LRCH4: variants seen among roughly 807,000 people sequenced by gnomAD.
LRCH4 encodes the protein leucine-rich repeat and calponin homology domain-containing protein 4.
LRCH4 carries 56 observed loss-of-function variants against 81.2 expected under a neutral mutation model. The observed-to-expected ratio is 0.69, with a 90% CI of 0.56 to 0.86. The LOEUF (loss-of-function observed/expected upper bound fraction) is 0.86. LRCH4 is among the 40% of genes least tolerant of loss of function. The pLI is 0.00. For synonymous variants in LRCH4, 442 were observed against 409.7 expected (o/e 1.08, Z -0.95); for missense variants, 895 against 922.8 (o/e 0.97, Z 0.39).
Position 100,577,086 on chromosome 7 carries a change from T to C in LRCH4, c.1364A>G (p.Asn455Ser). 2 of 1,614,094 alleles carry C rather than the reference T, an allele frequency of 1.2e-6. No homozygotes were observed. The highest frequency in any genetic ancestry group is 1.3e-5 in the African/African-American group (1 of 75,028). The change falls in exon 12 of 18, where the codon AAC becomes AGC. Residue 455 changes from asparagine to serine, a missense_variant and splice_region_variant. Physicochemically the swap from Asn to Ser is conservative, Grantham distance 46. Coordinates refer to ENST00000310300, the MANE Select transcript of LRCH4 (RefSeq NM_002319.5). The surrounding 1 kb of genome is among the most constrained non-coding windows in gnomAD (Gnocchi z 6.7). ...AAAVSTQAMH[N>S]GSPKSSASQA... The stretch of plus-strand genomic sequence containing the variant: ...GAGGGGATGCTGGCAGGAAACCTAC[T>C]TGTGCATGGCTTGAGTGGACACGGC...
chr7:100,583,580 A>G lies in LRCH4; in HGVS notation c.221-1121T>C, dbSNP rs1801627165. On this transcript the variant is annotated intron_variant, in intron 1 of 17. Coordinates refer to ENST00000310300, the MANE Select transcript of LRCH4 (RefSeq NM_002319.5). The surrounding 1 kb of genome is among the most constrained non-coding windows in gnomAD (Gnocchi z 4.3). ...GCCGGGTATATCCCCCAAGGAAATG[A>G]GTCTTGTGACAGGAAATGAAGTAGA... 1.3e-5 allele frequency among the ~76,000 whole-genome samples: 2 copies of G among 152,184 alleles called. No individual in the cohort carries two copies. The highest frequency in any genetic ancestry group is 2.9e-5 in the Non-Finnish European group (2 of 68,034).
chr7:100,582,220 A>C lies in LRCH4; in HGVS notation c.366-53T>G. 2 of 1,613,150 alleles carry C rather than the reference A, an allele frequency of 1.2e-6. No individual in the cohort carries two copies. Among genetic ancestry groups the C allele is most frequent in the Non-Finnish European group, 1.7e-6 (2 of 1,179,700 alleles). On this transcript the variant is annotated intron_variant, in intron 2 of 17. Coordinates refer to ENST00000310300, the MANE Select transcript of LRCH4 (RefSeq NM_002319.5). This position sits in a 1 kb window ranked among gnomAD's most constrained non-coding sequence, Gnocchi z 5.0. ...GGCTCCCCAGGCATGGCATCCCAGCACTGCCATCCTCTCGGGGTCACTGGG... is the reference window on the plus strand; with the variant it reads ...GGCTCCCCAGGCATGGCATCCCAGCCCTGCCATCCTCTCGGGGTCACTGGG...
At position 100,575,059 on chromosome 7, in the gene LRCH4, A is replaced by G; in HGVS notation, c.*48T>C. Reference sequence around the variant, plus strand: ...TGGGGTCGGGTGGAGCAGGGACCTTATAAATAGAGAGGAAGGGAAAGGGGT... The same window carrying G: ...TGGGGTCGGGTGGAGCAGGGACCTTGTAAATAGAGAGGAAGGGAAAGGGGT... On this transcript the variant is annotated 3_prime_UTR_variant, in exon 18 of 18. Coordinates refer to ENST00000310300, the MANE Select transcript of LRCH4 (RefSeq NM_002319.5). This position sits in a 1 kb window ranked among gnomAD's most constrained non-coding sequence, Gnocchi z 5.3. 1 of 1,544,510 alleles carries G rather than the reference A, an allele frequency of 6.5e-7. No individual in the cohort carries two copies. The highest frequency in any genetic ancestry group is 8.8e-7 in the Non-Finnish European group (1 of 1,137,822).
rs914246415 is a variant in LRCH4, at chr7:100,574,989, A to G, written c.*118T>C. On this transcript the variant is annotated 3_prime_UTR_variant, in exon 18 of 18. Coordinates refer to ENST00000310300, the MANE Select transcript of LRCH4 (RefSeq NM_002319.5). ...GGGCCTCTGAGGTCAGTGTCTGTGA[A>G]GGGGGTGCACTAGTGTCTTTGGTTG... 1.0e-6 allele frequency: 1 copy of G among 969,630 alleles called. No homozygotes were observed. Among genetic ancestry groups the G allele is most frequent in the Admixed American group, 2.8e-5 (1 of 35,294 alleles). 60.1% of individuals were successfully genotyped at this position (969,630 alleles called of 1,614,324 possible).
Position 100,583,429 on chromosome 7 carries a change from G to A in LRCH4, c.221-970C>T, listed in dbSNP as rs150141498. ...GAGAAGCCTGCCTTTCTGTTTCCTC[G>A]GCCCAGCCTGTCCTGGGAGGGGCCC... On this transcript the variant is annotated intron_variant, in intron 1 of 17. Coordinates refer to ENST00000310300, the MANE Select transcript of LRCH4 (RefSeq NM_002319.5). This position sits in a 1 kb window ranked among gnomAD's most constrained non-coding sequence, Gnocchi z 4.3. 2.4e-4 allele frequency among the ~76,000 whole-genome samples: 37 copies of A among 152,230 alleles called. No homozygotes were observed. Among genetic ancestry groups the A allele is most frequent in the African/African-American group, 8.7e-4 (36 of 41,542 alleles).
chr7:100,585,493 G>A (rs141496479), intron 1 of LRCH4, among the ~76,000 whole-genome samples: 10 of 151,400 alleles, frequency 6.6e-5, no homozygotes, highest in Non-Finnish European at 1.5e-4. Flanking sequence ...AGGTGTAGAT[G>A]AAGAGGGAGA....
Position 100,575,342 on chromosome 7 carries a change from C to G in LRCH4, c.1855-38G>C, listed in dbSNP as rs1801314626. The G allele has an allele frequency of 2.7e-6, 4 of 1,495,808 alleles. No individual in the cohort carries two copies. Among genetic ancestry groups the G allele is most frequent in the South Asian group, 2.5e-5 (2 of 79,118 alleles). 92.7% of individuals were successfully genotyped at this position (1,495,808 alleles called of 1,614,324 possible). A position where few individuals can be genotyped will look rare whatever the true frequency, so the allele number is the denominator to read the frequency against. On this transcript the variant is annotated intron_variant, in intron 17 of 17. Coordinates refer to ENST00000310300, the MANE Select transcript of LRCH4 (RefSeq NM_002319.5). The surrounding 1 kb of genome is among the most constrained non-coding windows in gnomAD (Gnocchi z 5.3). Reference sequence around the variant, plus strand: ...AGAGCAGGTGGACAAGGACAAGGGACAGACGTCAGCAGCAGCAGCAGGACA... The same window carrying G: ...AGAGCAGGTGGACAAGGACAAGGGAGAGACGTCAGCAGCAGCAGCAGGACA...
rs1024315912 is a variant in LRCH4, at chr7:100,576,987, A to T, written c.1383T>A (p.Ser461Arg). 2 of 1,608,340 alleles carry T rather than the reference A, an allele frequency of 1.2e-6. No homozygotes were observed. Among genetic ancestry groups the T allele is most frequent in the African/African-American group, 2.7e-5 (2 of 74,840 alleles). ...CCGCTGCAGCCCCTGCTTGGGAGGC[A>T]CTGGACTTAGGCGAGCCGCTGAGGA... Reference protein sequence around the residue: ...QAMHNGSPKSSASQAGAAAGQ... With the variant: ...QAMHNGSPKSRASQAGAAAGQ... Residue 461 changes from serine (S) to arginine (R), a missense_variant, in exon 13 of 18, where the codon AGT becomes AGA. Coordinates refer to ENST00000310300, the MANE Select transcript of LRCH4 (RefSeq NM_002319.5).
In LRCH4 at chr7:100,577,208, G is replaced by A; in HGVS notation, c.1296-54C>T. On this transcript the variant is annotated intron_variant, in intron 11 of 17. Coordinates refer to ENST00000310300, the MANE Select transcript of LRCH4 (RefSeq NM_002319.5). The surrounding 1 kb of genome is among the most constrained non-coding windows in gnomAD (Gnocchi z 6.7). ...GCCCCAAGGCAGAACGGCTCAGCGG[G>A]GCTCGGTGGCCCCATTTCCAGGGCT... 1.2e-5 allele frequency: 19 copies of A among 1,609,932 alleles called. No homozygotes were observed. The highest frequency in any genetic ancestry group is 1.5e-5 in the Non-Finnish European group (18 of 1,179,172).
At chr7:100,576,130 G>C in intron 15 of LRCH4, 108 bp downstream of exon 15, 1 of 1,474,394 alleles carries the variant, frequency 6.8e-7, no homozygotes, top group Non-Finnish European at 9.3e-7. Flanking sequence ...CTCAGGGGAG[G>C]TGCCAGAGTG....
Position 100,575,499 on chromosome 7 carries a change from G to C in LRCH4, c.1855-195C>G. The C allele has an allele frequency of 1.2e-6, 1 of 831,902 alleles. No individual in the cohort carries two copies. Among genetic ancestry groups the C allele is most frequent in the Non-Finnish European group, 2.0e-6 (1 of 492,078 alleles). The allele number at this position is 831,902 out of a possible 1,614,324, so 51.5% of individuals were successfully genotyped here. On this transcript the variant is annotated intron_variant, in intron 17 of 17. Transcript: ENST00000310300. The surrounding 1 kb of genome is among the most constrained non-coding windows in gnomAD (Gnocchi z 5.3). The stretch of plus-strand genomic sequence containing the variant: ...GCAGGACAGGTGACATGCAGGACAA[G>C]ATGGGGCCTGCAGGGCAGGGGATGT...
Position 100,577,973 on chromosome 7 carries a change from G to T in LRCH4, c.949-61C>A. On this transcript the variant is annotated intron_variant, in intron 7 of 17. Transcript: ENST00000310300. The surrounding 1 kb of genome is among the most constrained non-coding windows in gnomAD (Gnocchi z 6.7). The stretch of plus-strand genomic sequence containing the variant: ...TCTGTACATGGGGGCTCAGGACCTG[G>T]GGGGTCCTGTGTGGGACTAAGCTCA... The T allele has an allele frequency of 2.1e-6, 3 of 1,439,444 alleles. No homozygotes were observed. The highest frequency in any genetic ancestry group is 1.9e-6 in the Non-Finnish European group (2 of 1,028,144). 89.2% of individuals were successfully genotyped at this position (1,439,444 alleles called of 1,614,324 possible). A position where few individuals can be genotyped will look rare whatever the true frequency, so the allele number is the denominator to read the frequency against.
chr7:100,584,078 C>A, intron 1 of LRCH4: 1 of 450,522 alleles, frequency 2.2e-6, no homozygotes, highest in Non-Finnish European at 4.5e-6. Flanking sequence ...CAAGACTAGG[C>A]GACACGCAGC....
In LRCH4 at chr7:100,575,200, G is replaced by A; in HGVS notation, c.1959C>T (p.Leu653=). 6.2e-7 allele frequency: 1 copy of A among 1,612,546 alleles called. No homozygotes were observed. Among genetic ancestry groups the A allele is most frequent in the South Asian group, 1.1e-5 (1 of 90,838 alleles). Residue 653 remains leucine, a synonymous_variant, in exon 18 of 18, where the codon CTC becomes CTT. Transcript: ENST00000310300. This position sits in a 1 kb window ranked among gnomAD's most constrained non-coding sequence, Gnocchi z 5.3. The part of the protein sequence containing the change: ...KRVGGKALPP[L]WPPSGLGGFV... Reference sequence around the variant, plus strand: ...AGCCGCCCAGACCAGAGGGGGGCCAGAGGGGCGGTAGGGCCTTGCCCCCCA... The same window carrying A: ...AGCCGCCCAGACCAGAGGGGGGCCAAAGGGGCGGTAGGGCCTTGCCCCCCA...
chr7:100,578,420 C>T lies in LRCH4; in HGVS notation c.827G>A (p.Arg276Gln), dbSNP rs563611987. The change falls in exon 6 of 18, where the codon CGG becomes CAG. Residue 276 changes from arginine (R) to glutamine (Q), a missense_variant. Arg to Gln is a conservative substitution (Grantham distance 43). This residue lies in a region of LRCH4 where 360 missense variants were observed against 397.0 expected (regional missense o/e 0.91). Coordinates refer to ENST00000310300, the MANE Select transcript of LRCH4 (RefSeq NM_002319.5). The surrounding 1 kb of genome is among the most constrained non-coding windows in gnomAD (Gnocchi z 5.7). ...TTACCAGGGACTGAAACTCGGGGGCCGAGAAGGGGCCAGGTCCCCCAGGGC... is the reference window on the plus strand; with the variant it reads ...TTACCAGGGACTGAAACTCGGGGGCTGAGAAGGGGCCAGGTCCCCCAGGGC... ...GSALGDLAPS[R>Q]PPSFSPCPAE... 21 of 1,613,854 alleles carry T rather than the reference C, an allele frequency of 1.3e-5. No homozygotes were observed. The highest frequency in any genetic ancestry group is 6.7e-5 in the African/African-American group (5 of 75,062).
chr7:100,575,469 C>T lies in LRCH4; in HGVS notation c.1855-165G>A, dbSNP rs543985732. 100 of 824,692 alleles carry T rather than the reference C, an allele frequency of 1.2e-4. 1 individual carries two copies. The South Asian group carries it at 1.4e-3, about 11-fold the overall frequency. The allele number at this position is 824,692 out of a possible 1,614,324, so 51.1% of individuals were successfully genotyped here. A position where few individuals can be genotyped will look rare whatever the true frequency, so the allele number is the denominator to read the frequency against. On this transcript the variant is annotated intron_variant, in intron 17 of 17. Transcript: ENST00000310300. This position sits in a 1 kb window ranked among gnomAD's most constrained non-coding sequence, Gnocchi z 5.3. Reference sequence around the variant, plus strand: ...AGTGCAGGAGGAGTGCAGGGCAGGGCATGTGCAGGACAGGTGACATGCAGG... The same window carrying T: ...AGTGCAGGAGGAGTGCAGGGCAGGGTATGTGCAGGACAGGTGACATGCAGG...
In LRCH4 at chr7:100,577,796, AGCTCCCGGCCAGCCCT is replaced by A; in HGVS notation, c.1039+10_1039+25del. 1 of 1,613,820 alleles carries A rather than the reference AGCTCCCGGCCAGCCCT, an allele frequency of 6.2e-7. No homozygotes were observed. The highest frequency in any genetic ancestry group is 8.5e-7 in the Non-Finnish European group (1 of 1,179,784). The stretch of plus-strand genomic sequence containing the variant: ...GGGGACCCAGGCCCTGGTCCAGCCC[AGCTCCCGGCCAGCCCT>A]GCTACTCACCTGAGCCATCCTCCTT... On this transcript the variant is annotated intron_variant, in intron 8 of 17. Coordinates refer to ENST00000310300, the MANE Select transcript of LRCH4 (RefSeq NM_002319.5). The surrounding 1 kb of genome is among the most constrained non-coding windows in gnomAD (Gnocchi z 6.7).
rs773247187 is a variant in LRCH4, at chr7:100,577,447, T to TG, written c.1178+49dup. Reference sequence around the variant, plus strand: ...CCCCGGGGTCAGGGAAGGAGGCGGTTGGGGGGTGGGAGGATCGGGCAGTGG... The same window carrying TG: ...CCCCGGGGTCAGGGAAGGAGGCGGTTGGGGGGGTGGGAGGATCGGGCAGTGG... On this transcript the variant is annotated intron_variant, in intron 10 of 17. Transcript: ENST00000310300. The surrounding 1 kb of genome is among the most constrained non-coding windows in gnomAD (Gnocchi z 6.7). 1.9e-6 allele frequency: 3 copies of TG among 1,602,050 alleles called. No homozygotes were observed. The highest frequency in any genetic ancestry group is 2.5e-6 in the Non-Finnish European group (3 of 1,179,636).
Position 100,575,389 on chromosome 7 carries a change from AC to A in LRCH4, c.1855-86del, listed in dbSNP as rs1226362104. On this transcript the variant is annotated intron_variant, in intron 17 of 17. Coordinates refer to ENST00000310300, the MANE Select transcript of LRCH4 (RefSeq NM_002319.5). The surrounding 1 kb of genome is among the most constrained non-coding windows in gnomAD (Gnocchi z 5.3). Reference sequence around the variant, plus strand: ...GACAGTCCCTCCCACCCCTGCCCTCACGTGCTGGGGCCAGAACCACGCCCAC... The same window carrying A: ...GACAGTCCCTCCCACCCCTGCCCTCAGTGCTGGGGCCAGAACCACGCCCAC... The A allele has an allele frequency of 3.9e-6, 5 of 1,282,364 alleles. No homozygotes were observed. In the African/African-American group the frequency reaches 5.9e-5, roughly 15 times the overall value. 79.4% of individuals were successfully genotyped at this position (1,282,364 alleles called of 1,614,324 possible).
Sources: gnomAD v4.1 joint callset for allele counts (sites outside exome capture counted in the v4.1 genomes callset) on GRCh38, gnomAD v4.1.1 for gene constraint, gnomAD v4.1.1 regional missense constraint, Gnocchi (gnomAD v3.1) non-coding constraint, MANE v1.5 for transcripts, NCBI Gene and HGNC (gene_info 2026-07-23, HGNC 2026-07-21) for gene names.